Variants in CPEB1 observed in about 807,000 individuals in gnomAD.
CPEB1 encodes cytoplasmic polyadenylation element binding protein 1.
CPEB1 carries 7 observed loss-of-function variants against 65.8 expected under a neutral mutation model. That is an observed-to-expected ratio of 0.11 (90% CI 0.06 to 0.20). CPEB1 has a LOEUF of 0.20. Ranked by LOEUF, CPEB1 falls within the 10% of genes least tolerant of loss-of-function variation. The pLI is 1.00. For missense variants in CPEB1, 551 were observed against 712.2 expected, an observed-to-expected ratio of 0.77 and a Z score of 2.58; for synonymous variants, 262 against 260.0, an observed-to-expected ratio of 1.01 and a Z score of -0.08.
At chr15:82,643,063 A>T (rs1463472834) in intron 1 of CPEB1, among the ~76,000 whole-genome samples, 1 of 152,108 alleles carries the variant, frequency 6.6e-6, no homozygotes, top group East Asian at 1.9e-4. Flanking sequence ...TGCAAAAATA[A>T]CACCAGCAGA....
At chr15:82,615,334 T>A (rs144115276) in intron 3 of CPEB1, among the ~76,000 whole-genome samples, 1 of 152,132 alleles carries the variant, frequency 6.6e-6, no homozygotes, top group Non-Finnish European at 1.5e-5. Context: ...CTACAGAACA[T>A]TGGAGGCAGG....
intron 3 of CPEB1, among the ~76,000 whole-genome samples, chr15:82,605,547 T>C (rs1309394807): frequency 6.6e-6 from 1 of 152,136 alleles, no homozygotes; most frequent in Non-Finnish European, 1.5e-5. Flanking sequence ...AGATTTTAGA[T>C]GTTCTCACCA....
upstream of CPEB1, chr15:82,647,667 C>T (rs2047691626): frequency 7.7e-6 from 3 of 388,582 alleles, no homozygotes; most frequent in Non-Finnish European, 1.3e-5. Context: ...AGGAGGCTCC[C>T]TGCCCCCCTC....
intron 3 of CPEB1, among the ~76,000 whole-genome samples, chr15:82,617,729 T>G (rs921160900): frequency 8.1e-6 from 1 of 123,784 alleles, no homozygotes; most frequent in African/African-American, 3.1e-5. Context: ...TTAAAGTTTT[T>G]TTTTTTTTTT....
At chr15:82,612,169 AG>A (rs2044220278) in intron 3 of CPEB1, among the ~76,000 whole-genome samples, 1 of 152,218 alleles carries the variant, frequency 6.6e-6, no homozygotes, top group African/African-American at 2.4e-5. Flanking sequence ...AGAAATTCCT[AG>A]AAAAACACAA....
intron 3 of CPEB1, among the ~76,000 whole-genome samples, chr15:82,620,068 C>A (rs191131891): frequency 2.6e-5 from 4 of 152,300 alleles, no homozygotes; most frequent in Non-Finnish European, 5.9e-5. Context: ...CAACAGGAAT[C>A]AATGACCCAC....
At chr15:82,638,839 T>C (rs1042224291) in intron 1 of CPEB1, among the ~76,000 whole-genome samples, 3 of 152,216 alleles carry the variant, frequency 2.0e-5, no homozygotes, top group African/African-American at 7.2e-5. Context: ...TCAAGGACAT[T>C]TGTAAGTGAC....
intron 3 of CPEB1, among the ~76,000 whole-genome samples, chr15:82,616,968 T>C (rs1318602479): frequency 6.6e-6 from 1 of 152,120 alleles, no homozygotes; most frequent in Non-Finnish European, 1.5e-5. Flanking sequence ...AATAAACATA[T>C]CCATCTTCCC....
In CPEB1 at chr15:82,584,903, C is replaced by CTTTTTTTTTTTTTTTTTTTTTTTTTTT. The variant is rs3080692; in HGVS notation, c.272-13372_272-13371insAAAAAAAAAAAAAAAAAAAAAAAAAAA. ...GACATAATTTTTTTTTCCTAATTTG[C>CTTTTTTTTTTTTTTTTTTTTTTTTTTT]TTTTTTTTTTTTTTTTTTTACAGTG... On this transcript the variant is annotated intron_variant, in intron 3 of 12. Coordinates refer to ENST00000684509, the MANE Select transcript of CPEB1 (RefSeq NM_001365242.1). Among the ~76,000 whole-genome samples, 30 of 81,742 alleles carry CTTTTTTTTTTTTTTTTTTTTTTTTTTT rather than the reference C, an allele frequency of 3.7e-4. 2 individuals carry two copies. Among genetic ancestry groups the CTTTTTTTTTTTTTTTTTTTTTTTTTTT allele is most frequent in the Non-Finnish European group, 5.3e-4 (26 of 48,790 alleles). The allele number at this position is 81,742 out of a possible 152,430, so 53.6% of individuals were successfully genotyped here. A position where few individuals can be genotyped will look rare whatever the true frequency, so the allele number is the denominator to read the frequency against.
At chr15:82,643,431 A>G (rs1596149677) in intron 1 of CPEB1, among the ~76,000 whole-genome samples, 1 of 152,154 alleles carries the variant, frequency 6.6e-6, no homozygotes, top group Admixed American at 6.6e-5. Flanking sequence ...GGAGTTCGAG[A>G]CCAGCCTGGC....
intron 4 of CPEB1, among the ~76,000 whole-genome samples, chr15:82,569,375 T>C (rs1406625476): frequency 6.6e-6 from 1 of 152,172 alleles, no homozygotes. Flanking sequence ...ATACCCACAC[T>C]AACCTGCCTA....
chr15:82,602,741 G>C (rs1176271206), intron 3 of CPEB1, among the ~76,000 whole-genome samples: 1 of 152,106 alleles, frequency 6.6e-6, no homozygotes, highest in Non-Finnish European at 1.5e-5. Context: ...AGCTACTCAG[G>C]AGGCTGAGAC....
intron 4 of CPEB1, among the ~76,000 whole-genome samples, chr15:82,559,464 A>T (rs1428563447): frequency 6.6e-6 from 1 of 152,192 alleles, no homozygotes; most frequent in Non-Finnish European, 1.5e-5. Context: ...TTCCAAGTAG[A>T]TGGAACTATA....
intron 4 of CPEB1, among the ~76,000 whole-genome samples, chr15:82,567,287 C>A (rs1055868080): frequency 6.6e-6 from 1 of 152,134 alleles, no homozygotes; most frequent in Non-Finnish European, 1.5e-5. Flanking sequence ...CAATGGGGAG[C>A]CTGCAAGTGA....
chr15:82,562,577 C>T (rs888163966), intron 4 of CPEB1, among the ~76,000 whole-genome samples: 12 of 152,176 alleles, frequency 7.9e-5, no homozygotes, highest in African/African-American at 2.4e-4. Context: ...CAGTGGTTCA[C>T]GCCTGTAATA....
rs1237115631 is a variant in CPEB1, at chr15:82,557,645, T to TC, written c.687+114dup. 16 of 820,168 alleles carry TC rather than the reference T, an allele frequency of 2.0e-5. No individual in the cohort carries two copies. In the African/African-American group the frequency reaches 2.4e-4, roughly 12 times the overall value. The allele number at this position is 820,168 out of a possible 1,614,324, so 50.8% of individuals were successfully genotyped here. A position where few individuals can be genotyped will look rare whatever the true frequency, so the allele number is the denominator to read the frequency against. Reference sequence around the variant, plus strand: ...AATCTCCACTCCTCCCCTCATCCCATCTCCCAGCCTGCATTCCAGGGGACA... The same window carrying TC: ...AATCTCCACTCCTCCCCTCATCCCATCCTCCCAGCCTGCATTCCAGGGGACA... On this transcript the variant is annotated intron_variant, in intron 5 of 12. Transcript: ENST00000684509.
chr15:82,588,118 A>AT (rs11337546), intron 3 of CPEB1, among the ~76,000 whole-genome samples: 211 of 149,536 alleles, frequency 1.4e-3, no homozygotes, highest in East Asian at 7.7e-3. Context: ...TTGTTTTTGT[A>AT]TTTTTTTTTT....
intron 5 of CPEB1, among the ~76,000 whole-genome samples, chr15:82,556,943 A>T (rs542135792): frequency 4.7e-4 from 71 of 152,362 alleles, no homozygotes; most frequent in South Asian, 3.1e-3. Flanking sequence ...GAAGAGAAGA[A>T]GGTGGTAAAA....
rs117376882 is a variant in CPEB1, at chr15:82,585,373, G to A, written c.272-13841C>T. On this transcript the variant is annotated intron_variant, in intron 3 of 12. Coordinates refer to ENST00000684509, the MANE Select transcript of CPEB1 (RefSeq NM_001365242.1). The stretch of plus-strand genomic sequence containing the variant: ...GTTAAGCTTTCAGCGGCAAAGTCTG[G>A]ACATTCCAGCAGATGGGGGTGGTAC... Among the ~76,000 whole-genome samples, 202 of 152,296 alleles carry A rather than the reference G, an allele frequency of 1.3e-3. 1 individual carries two copies. Among genetic ancestry groups the A allele is most frequent in the Middle Eastern group, 3.4e-3 (1 of 294 alleles).
Sources: allele counts gnomAD v4.1 joint callset (sites outside exome capture counted in the v4.1 genomes callset), GRCh38; gene constraint gnomAD v4.1.1; transcripts MANE v1.5; gene names NCBI Gene and HGNC (gene_info 2026-07-23, HGNC 2026-07-21).